S100A1: variants seen among roughly 807,000 people sequenced by gnomAD.
The protein encoded by S100A1 is S100 calcium binding protein A1, also known as protein S100-A1.
Under a neutral mutation model 7.6 loss-of-function variants are expected in S100A1, and 3 were observed. That is an observed-to-expected ratio of 0.40 (90% CI 0.18 to 1.02). The LOEUF (loss-of-function observed/expected upper bound fraction) is 1.02. Among genes scored for constraint, S100A1 ranks in the 50% least tolerant of loss-of-function variants. The pLI is 0.35. For synonymous variants in S100A1, 49 were observed against 49.0 expected (o/e 1.00, Z 0.00); for missense variants, 126 against 115.0 (o/e 1.10, Z -0.44).
chr1:153,628,634 C>T (rs1215929793), intron 1 of S100A1, 138 bp downstream of exon 1: 11 of 1,384,740 alleles, frequency 7.9e-6, no homozygotes, highest in Non-Finnish European at 5.7e-6. Context: ...AGGGTGAGGG[C>T]AGTTTGGGAT....
chr1:153,631,244 C>T (rs1427804457), intron 2 of S100A1: 14 of 554,726 alleles, frequency 2.5e-5, no homozygotes, highest in Admixed American at 1.3e-4. Context: ...CCTCAGGATA[C>T]GGTAGAAAGT....
Position 153,631,728 on chromosome 1 carries a change from G to A in S100A1, c.172G>A (p.Val58Met). 1 of 1,614,184 alleles carries A rather than the reference G, an allele frequency of 6.2e-7. No individual in the cohort carries two copies. Among genetic ancestry groups the A allele is most frequent in the East Asian group, 2.2e-5 (1 of 44,892 alleles). Residue 58 changes from valine (V) to methionine (M), a missense_variant, in exon 3 of 3, where the codon GTG becomes ATG. Physicochemically the swap from Val to Met is conservative, Grantham distance 21 (BLOSUM62 1). Coordinates refer to ENST00000292169, the MANE Select transcript of S100A1 (RefSeq NM_006271.2). ...AQKDVDAVDK[V>M]MKELDENGDG... ...GAAGGATGTGGATGCTGTGGACAAG[G>A]TGATGAAGGAGCTAGACGAGAATGG...
At chr1:153,630,862 G>C (rs1287389755) in intron 2 of S100A1, 200 bp downstream of exon 2, 1 of 611,866 alleles carries the variant, frequency 1.6e-6, no homozygotes, top group Non-Finnish European at 2.8e-6. Flanking sequence ...TTGATCACCT[G>C]TTAAGTGTTA....
intron 2 of S100A1, 32 bp from the exon 3 acceptor site, chr1:153,631,666 T>C (rs1226970932): frequency 6.2e-7 from 1 of 1,613,846 alleles, no homozygotes; most frequent in Admixed American, 1.7e-5. Flanking sequence ...CCCTTCCCTA[T>C]ACACCTCCCT....
In S100A1 at chr1:153,631,791, G is replaced by A. The variant is rs1159049303; in HGVS notation, c.235G>A (p.Val79Met). ...GGACTTCCAGGAGTATGTGGTGCTTGTGGCTGCTCTCACAGTGGCCTGTAA... is the reference window on the plus strand; with the variant it reads ...GGACTTCCAGGAGTATGTGGTGCTTATGGCTGCTCTCACAGTGGCCTGTAA... ...EVDFQEYVVL[V>M]AALTVACNNF... The change falls in exon 3 of 3, where the codon GTG becomes ATG. Residue 79 changes from valine to methionine, a missense_variant. Transcript: ENST00000292169. The A allele has an allele frequency of 1.2e-6, 2 of 1,614,168 alleles. No homozygotes were observed. Among genetic ancestry groups the A allele is most frequent in the Non-Finnish European group, 1.7e-6 (2 of 1,180,022 alleles).
chr1:153,631,863 C>T lies in S100A1; in HGVS notation c.*22C>T, dbSNP rs376068181. ...TTGAGCAGACAGCCACATTGGGCAGCGCCCTTCCTCTCCACCCTCCCAGAC... is the reference window on the plus strand; with the variant it reads ...TTGAGCAGACAGCCACATTGGGCAGTGCCCTTCCTCTCCACCCTCCCAGAC... On this transcript the variant is annotated 3_prime_UTR_variant, in exon 3 of 3. Transcript: ENST00000292169. 11 of 1,609,726 alleles carry T rather than the reference C, an allele frequency of 6.8e-6. No individual in the cohort carries two copies. Among genetic ancestry groups the T allele is most frequent in the South Asian group, 6.6e-5 (6 of 90,650 alleles).
chr1:153,629,682 C>T (rs1397210001), intron 1 of S100A1: 5 of 152,382 alleles, frequency 3.3e-5, no homozygotes, highest in African/African-American at 1.2e-4. Flanking sequence ...CCCACTATCC[C>T]CGAATCAACC....
chr1:153,630,409 T>C, intron 1 of S100A1, 100 bp from the exon 2 acceptor site: 6 of 1,408,830 alleles, frequency 4.3e-6, no homozygotes, highest in Non-Finnish European at 5.7e-6. Flanking sequence ...CCACAGCTAT[T>C]TGAGCTGTCA....
chr1:153,631,293 C>A, intron 2 of S100A1: 1 of 670,456 alleles, frequency 1.5e-6, no homozygotes. Flanking sequence ...GGTTCAAATT[C>A]CAGCCCTGCT....
At chr1:153,628,654 A>T in intron 1 of S100A1, 158 bp downstream of exon 1, 1 of 1,283,056 alleles carries the variant, frequency 7.8e-7, no homozygotes. Flanking sequence ...TTTGGGGGAG[A>T]CAGGGTTTGG....
intron 2 of S100A1, chr1:153,631,080 T>A: frequency 3.4e-6 from 1 of 292,596 alleles, no homozygotes; most frequent in Non-Finnish European, 6.4e-6. Flanking sequence ...GAAGATTATC[T>A]GGGTAAATGC....
Position 153,630,925 on chromosome 1 carries a change from T to A in S100A1, c.141+263T>A, listed in dbSNP as rs1409902310. 8 of 485,690 alleles carry A rather than the reference T, an allele frequency of 1.6e-5. No homozygotes were observed. The East Asian group carries it at 2.6e-4, about 16-fold the overall frequency. The allele number at this position is 485,690 out of a possible 1,614,324, so 30.1% of individuals were successfully genotyped here. A position where few individuals can be genotyped will look rare whatever the true frequency, so the allele number is the denominator to read the frequency against. On this transcript the variant is annotated intron_variant, in intron 2 of 2. Coordinates refer to ENST00000292169, the MANE Select transcript of S100A1 (RefSeq NM_006271.2). ...GACACACAGACTTAGAAGGGAAAGATTGACACTTAAAAGTAAACCATGAAC... is the reference window on the plus strand; with the variant it reads ...GACACACAGACTTAGAAGGGAAAGAATGACACTTAAAAGTAAACCATGAAC...
rs988203308 is a variant in S100A1, at chr1:153,632,033, C to A, written c.*192C>A. The stretch of plus-strand genomic sequence containing the variant: ...TCTTTCATTAAAGGCTTCTCTCTCA[C>A]CAGCCATCCGATGTCTGTCTCCTCT... On this transcript the variant is annotated 3_prime_UTR_variant, in exon 3 of 3. Coordinates refer to ENST00000292169, the MANE Select transcript of S100A1 (RefSeq NM_006271.2). 33 of 624,174 alleles carry A rather than the reference C, an allele frequency of 5.3e-5. No homozygotes were observed. Among genetic ancestry groups the A allele is most frequent in the Middle Eastern group, 4.4e-4 (1 of 2,288 alleles). The allele number at this position is 624,174 out of a possible 1,614,324, so 38.7% of individuals were successfully genotyped here. A position where few individuals can be genotyped will look rare whatever the true frequency, so the allele number is the denominator to read the frequency against.
intron 2 of S100A1, chr1:153,631,276 T>C (rs563910854): frequency 1.0e-4 from 65 of 620,432 alleles, no homozygotes; most frequent in Admixed American, 9.0e-5. Context: ...GAGGTTTTAT[T>C]GGACTGGGTT....
Position 153,631,968 on chromosome 1 carries a change from C to G in S100A1, c.*127C>G. 2 of 1,105,006 alleles carry G rather than the reference C, an allele frequency of 1.8e-6. No individual in the cohort carries two copies. The highest frequency in any genetic ancestry group is 2.5e-6 in the Non-Finnish European group (2 of 792,892). 68.5% of individuals were successfully genotyped at this position (1,105,006 alleles called of 1,614,324 possible). ...CCCTTGCCCACCCCACCCCCACCCC[C>G]ACCAAGGGCGCAAGAGTAGCGGTCC... is the stretch of plus-strand genomic sequence containing the variant. On this transcript the variant is annotated 3_prime_UTR_variant, in exon 3 of 3. Coordinates refer to ENST00000292169, the MANE Select transcript of S100A1 (RefSeq NM_006271.2).
At chr1:153,629,728 C>G (rs943787097) in intron 1 of S100A1, 1 of 152,332 alleles carries the variant, frequency 6.6e-6, no homozygotes, top group Non-Finnish European at 1.5e-5. Context: ...GCCTGCAGGT[C>G]TCCTCTCCCA....
In S100A1 at chr1:153,630,668, CAT is replaced by C. The variant is rs1667959634; in HGVS notation, c.141+8_141+9del. 2 of 1,613,912 alleles carry C rather than the reference CAT, an allele frequency of 1.2e-6. No individual in the cohort carries two copies. The highest frequency in any genetic ancestry group is 8.5e-7 in the Non-Finnish European group (1 of 1,179,892). On this transcript the variant is annotated splice_region_variant and intron_variant, in intron 2 of 2. Transcript: ENST00000292169. The stretch of plus-strand genomic sequence containing the variant: ...AGCTCTCTGGCTTCCTGGATGTGAG[CAT>C]AGAGTGGTGGAGTGGGAGTGGAGTG...
Position 153,630,572 on chromosome 1 carries a change from C to T in S100A1, c.51C>T (p.His17=), listed in dbSNP as rs953817567. ...TAMETLINVF[H]AHSGKEGDKY... Reference sequence around the variant, plus strand: ...TGGAGACCCTCATCAACGTGTTCCACGCCCACTCGGGCAAAGAGGGGGACA... The same window carrying T: ...TGGAGACCCTCATCAACGTGTTCCATGCCCACTCGGGCAAAGAGGGGGACA... The change falls in exon 2 of 3, where the codon CAC becomes CAT. Residue 17 remains histidine (H), a synonymous_variant. Transcript: ENST00000292169. 3.1e-6 allele frequency: 5 copies of T among 1,614,244 alleles called. No homozygotes were observed. The highest frequency in any genetic ancestry group is 1.1e-5 in the South Asian group (1 of 91,088).
intron 2 of S100A1, chr1:153,631,469 C>T: frequency 6.3e-7 from 1 of 1,588,108 alleles, no homozygotes; most frequent in African/African-American, 1.3e-5. Flanking sequence ...ATTATAGGCA[C>T]TGAACATACG....
Sources: gnomAD v4.1 joint callset for allele counts on GRCh38, gnomAD v4.1.1 for gene constraint, MANE v1.5 for transcripts, NCBI Gene and HGNC (gene_info 2026-07-23, HGNC 2026-07-21) for gene names.